The following USP8 variants were observed in gnomAD, a reference collection of about 807,000 sequenced individuals.
USP8 encodes ubiquitin specific peptidase 8, also known as ubiquitin carboxyl-terminal hydrolase 8.
In USP8, 27 loss-of-function variants were observed where a neutral mutation model predicts 130.0. The ratio of observed to expected loss-of-function variants is 0.21; its 90% CI spans 0.15 to 0.29. The LOEUF is 0.29. USP8 is among the 10% of genes least tolerant of loss of function. The pLI, the probability that USP8 is intolerant of heterozygous loss-of-function variation, is 1.00. For synonymous variants in USP8, 392 were observed against 444.1 expected (o/e 0.88, Z 1.48); for missense variants, 1,029 against 1,312.2 (o/e 0.78, Z 3.33).
intron 1 of USP8, 162 bp downstream of exon 1, chr15:50,424,676 G>GA: frequency 2.5e-6 from 1 of 395,366 alleles, no homozygotes; most frequent in Non-Finnish European, 4.5e-6. Flanking sequence ...TTGTGGAGAG[G>GA]AAAGGCCCAA....
intron 7 of USP8, among the ~76,000 whole-genome samples, chr15:50,470,976 G>C (rs766776388): frequency 4.6e-5 from 7 of 152,160 alleles, no homozygotes; most frequent in Non-Finnish European, 1.0e-4. Flanking sequence ...CACAGTTGAC[G>C]GTTTTAAGAG....
At chr15:50,425,680 C>T (rs1328700981) in intron 1 of USP8, among the ~76,000 whole-genome samples, 3 of 152,038 alleles carry the variant, frequency 2.0e-5, no homozygotes, top group African/African-American at 7.2e-5. Context: ...ATACACCTCT[C>T]ATTAATGAAA....
At chr15:50,467,025 G>T in intron 7 of USP8, 1 of 556,050 alleles carries the variant, frequency 1.8e-6, no homozygotes, top group South Asian at 2.5e-5. Context: ...CATCCTTTCT[G>T]AGATTGTTAA....
chr15:50,477,542 A>T (rs879496040), intron 10 of USP8, 43 bp downstream of exon 10: 3 of 1,544,526 alleles, frequency 1.9e-6, no homozygotes, highest in Non-Finnish European at 2.7e-6. Flanking sequence ...TTGTTTTAAT[A>T]TTAAATATAT....
rs761309863 is a variant in USP8, at chr15:50,481,875, A to C, written c.1613A>C (p.Lys538Thr). 6.4e-7 allele frequency: 1 copy of C among 1,555,494 alleles called. No homozygotes were observed. The highest frequency in any genetic ancestry group is 1.2e-5 in the South Asian group (1 of 82,002). ...AGTGAACAGGCCAAGAAAGAAGATA[A>C]AGAAACCTCAGCAAAGAGGGGCAAA... ...KESEQAKKED[K>T]ETSAKRGKEI... The change falls in exon 11 of 20, where the codon AAA (lysine) becomes ACA (threonine). Residue 538 changes from lysine to threonine, a missense_variant. Physicochemically the swap from Lys to Thr is moderately conservative, Grantham distance 78 (BLOSUM62 -1). Around this residue, in one of 4 missense-constraint regions of USP8, gnomAD observed 486 missense variants for 522.0 expected, o/e 0.93. Coordinates refer to ENST00000307179, the MANE Select transcript of USP8 (RefSeq NM_005154.5).
intron 7 of USP8, among the ~76,000 whole-genome samples, chr15:50,468,388 G>A (rs1456485895): frequency 6.7e-6 from 1 of 149,632 alleles, no homozygotes; most frequent in African/African-American, 2.5e-5. Flanking sequence ...GATTATAGGT[G>A]TGCGCCACCA....
At chr15:50,477,099 G>A in intron 9 of USP8, 106 bp downstream of exon 9, 7 of 1,457,704 alleles carry the variant, frequency 4.8e-6, no homozygotes, top group Non-Finnish European at 6.5e-6. Context: ...CTATTAGAGA[G>A]CAGTTTGTTT....
chr15:50,428,933 C>G (rs1263044224), intron 1 of USP8, among the ~76,000 whole-genome samples: 1 of 152,156 alleles, frequency 6.6e-6, no homozygotes, highest in Non-Finnish European at 1.5e-5. Context: ...TGTAATACTG[C>G]TATAGTCAGT....
intron 14 of USP8, among the ~76,000 whole-genome samples, chr15:50,492,017 A>T (rs1272916345): frequency 2.0e-5 from 3 of 152,054 alleles, no homozygotes; most frequent in African/African-American, 7.2e-5. Flanking sequence ...GTCCACTATC[A>T]TGCCCAGCTA....
intron 1 of USP8, among the ~76,000 whole-genome samples, chr15:50,436,493 T>C (rs1396200773): frequency 6.6e-6 from 1 of 152,186 alleles, no homozygotes; most frequent in Non-Finnish European, 1.5e-5. Flanking sequence ...TTTTAAACTT[T>C]GTTGGTTTTT....
At chr15:50,454,653 C>T (rs2050734493) in intron 4 of USP8, among the ~76,000 whole-genome samples, 1 of 151,938 alleles carries the variant, frequency 6.6e-6, no homozygotes, top group South Asian at 2.1e-4. Flanking sequence ...TAGGGGTTTA[C>T]CATGTTGGCC....
At chr15:50,466,803 T>C (rs574784147) in intron 7 of USP8, 5 of 261,282 alleles carry the variant, frequency 1.9e-5, no homozygotes, top group African/African-American at 1.1e-4. Context: ...TGAATTCGAA[T>C]CACTCTCTAT....
chr15:50,450,070 T>C (rs1407396177), intron 4 of USP8, among the ~76,000 whole-genome samples: 1 of 151,068 alleles, frequency 6.6e-6, no homozygotes, highest in Non-Finnish European at 1.5e-5. Flanking sequence ...ATTTTTTGTA[T>C]TTTTAGTAGA....
chr15:50,477,253 C>A, intron 9 of USP8, 23 bp from the exon 10 acceptor site: 3 of 1,597,096 alleles, frequency 1.9e-6, no homozygotes, highest in Non-Finnish European at 2.6e-6. Flanking sequence ...TTCTAAAAAA[C>A]ATTTTTATTT....
At chr15:50,437,224 GT>G (rs1413043505) in intron 1 of USP8, among the ~76,000 whole-genome samples, 1 of 151,994 alleles carries the variant, frequency 6.6e-6, no homozygotes, top group African/African-American at 2.4e-5. Context: ...ATGATCACCT[GT>G]GCACATACTA....
chr15:50,488,268 T>C (rs987795846), intron 12 of USP8, among the ~76,000 whole-genome samples: 5 of 152,208 alleles, frequency 3.3e-5, no homozygotes, highest in African/African-American at 1.2e-4. Flanking sequence ...TTCAAGTTAA[T>C]TTTTATATAC....
chr15:50,456,989 G>A (rs1263624597), intron 4 of USP8, among the ~76,000 whole-genome samples: 1 of 152,214 alleles, frequency 6.6e-6, no homozygotes, highest in African/African-American at 2.4e-5. Flanking sequence ...GCACAGCTTT[G>A]TGTGACATGC....
rs551951639 is a variant in USP8 at position 50,444,991 on chromosome 15, C to T, written c.249+3498C>T. ...CAGGTTAGTCTTGAACTCCTGGGCT[C>T]AGGTGGTCTGCCTGCCTCGGCCTCC... On this transcript the variant is annotated intron_variant, in intron 3 of 19. Transcript: ENST00000307179. Among the ~76,000 whole-genome samples, 11 of 151,942 alleles carry T rather than the reference C, an allele frequency of 7.2e-5. No individual in the cohort carries two copies. In the South Asian group the frequency reaches 2.3e-3, roughly 32 times the overall value.
intron 1 of USP8, among the ~76,000 whole-genome samples, chr15:50,433,701 G>A (rs1221699153): frequency 6.6e-6 from 1 of 152,086 alleles, no homozygotes; most frequent in Non-Finnish European, 1.5e-5. Flanking sequence ...CACCTCCCAG[G>A]TTCGTGCCAT....
Sources: allele counts gnomAD v4.1 joint callset (sites outside exome capture counted in the v4.1 genomes callset), GRCh38; gene constraint gnomAD v4.1.1; regional missense constraint gnomAD v4.1.1; transcripts MANE v1.5; gene names NCBI Gene and HGNC (gene_info 2026-07-23, HGNC 2026-07-21).